Variants in SMG1 observed in about 807,000 individuals in gnomAD.
SMG1 encodes the protein serine/threonine-protein kinase SMG1.
SMG1 carries 22 observed loss-of-function variants against 419.9 expected under a neutral mutation model. That is an observed-to-expected ratio of 0.05 (90% CI 0.04 to 0.07). The LOEUF (loss-of-function observed/expected upper bound fraction) is 0.07. Among genes scored for constraint, SMG1 ranks in the 10% least tolerant of loss-of-function variants. The pLI is 1.00. For missense variants in SMG1, 3,185 were observed against 4,342.0 expected, an observed-to-expected ratio of 0.73 and a Z score of 7.49; for synonymous variants, 1,538 against 1,553.5, an observed-to-expected ratio of 0.99 and a Z score of 0.23.
At chr16:18,831,618 TG>T (rs1008141395) in intron 51 of SMG1, among the ~76,000 whole-genome samples, 1 of 151,766 alleles carries the variant, frequency 6.6e-6, no homozygotes, top group Non-Finnish European at 1.5e-5. Flanking sequence ...TAGCCGGGCA[TG>T]GGGGCATACG....
At chr16:18,908,680 C>A (rs1467524172) in intron 1 of SMG1, among the ~76,000 whole-genome samples, 1 of 151,012 alleles carries the variant, frequency 6.6e-6, no homozygotes, top group East Asian at 2.0e-4. Flanking sequence ...GAGATCAAGA[C>A]CATCCTGGCT....
Position 18,828,015 on chromosome 16 carries a change from A to C in SMG1, c.9741+16T>G, listed in dbSNP as rs1242709639. 1.2e-6 allele frequency: 2 copies of C among 1,607,402 alleles called. No individual in the cohort carries two copies. On this transcript the variant is annotated intron_variant, in intron 55 of 62. Coordinates refer to ENST00000446231, the MANE Select transcript of SMG1 (RefSeq NM_015092.5). ...AAAAAGAAAATGCCCTGGAAGGAAGATCTGGCAAAACACACCTGAACTGTT... is the reference window on the plus strand; with the variant it reads ...AAAAAGAAAATGCCCTGGAAGGAAGCTCTGGCAAAACACACCTGAACTGTT...
At chr16:18,827,914 T>A in intron 55 of SMG1, 117 bp downstream of exon 55, 1 of 941,780 alleles carries the variant, frequency 1.1e-6, no homozygotes, top group East Asian at 3.1e-5. Flanking sequence ...TATGCTCTTC[T>A]GGCTTACAAG....
intron 42 of SMG1, among the ~76,000 whole-genome samples, 156 bp from the exon 43 acceptor site, chr16:18,838,845 T>C (rs992952286): frequency 4.6e-5 from 7 of 152,232 alleles, no homozygotes; most frequent in Non-Finnish European, 1.0e-4. Flanking sequence ...GGTTGCTGCA[T>C]GTGGTTATGC....
At chr16:18,901,223 G>C (rs1182526783) in intron 1 of SMG1, among the ~76,000 whole-genome samples, 1 of 151,976 alleles carries the variant, frequency 6.6e-6, no homozygotes, top group African/African-American at 2.4e-5. Flanking sequence ...CCATTTATGG[G>C]TGATTTGTTT....
intron 29 of SMG1, among the ~76,000 whole-genome samples, 172 bp from the exon 30 acceptor site, chr16:18,855,076 A>G (rs2034822994): frequency 6.6e-6 from 1 of 152,234 alleles, no homozygotes; most frequent in South Asian, 2.1e-4. Flanking sequence ...TACAATGAAC[A>G]GGTTTTGCTA....
chr16:18,884,347 AC>A (rs1225148520), intron 8 of SMG1, among the ~76,000 whole-genome samples, 180 bp from the exon 9 acceptor site: 1 of 152,196 alleles, frequency 6.6e-6, no homozygotes, highest in African/African-American at 2.4e-5. Context: ...ATTAACCAAT[AC>A]CTCTTTAATT....
rs1459565905 is a variant in SMG1 at position 18,852,451 on chromosome 16, C to T, written c.4780G>A (p.Val1594Ile). ...IESESTVHIG[V>I]GEPDFILGQL... Reference sequence around the variant, plus strand: ...CCCAAAATGAAGTCAGGTTCTCCAACTCCAATATGCACTGCCAAAATGGAC... The same window carrying T: ...CCCAAAATGAAGTCAGGTTCTCCAATTCCAATATGCACTGCCAAAATGGAC... Residue 1594 changes from valine to isoleucine, a missense_variant, in exon 32 of 63, where the codon GTT (valine) becomes ATT (isoleucine). Physicochemically the swap from Val to Ile is conservative, Grantham distance 29. Transcript: ENST00000446231. 6.3e-7 allele frequency: 1 copy of T among 1,578,848 alleles called. No homozygotes were observed. The highest frequency in any genetic ancestry group is 8.6e-7 in the Non-Finnish European group (1 of 1,162,558).
intron 1 of SMG1, chr16:18,925,200 T>C (rs1376491007): frequency 6.6e-6 from 1 of 152,206 alleles, no homozygotes; most frequent in East Asian, 1.9e-4. Context: ...GTTCCTAATA[T>C]ATTCAAATCT....
At chr16:18,844,548 C>T (rs1346523733) in intron 39 of SMG1, among the ~76,000 whole-genome samples, 1 of 73,150 alleles carries the variant, frequency 1.4e-5, no homozygotes, top group Admixed American at 1.7e-4. Flanking sequence ...GGCAAGAACA[C>T]ATAATAAACT....
intron 23 of SMG1, among the ~76,000 whole-genome samples, chr16:18,864,490 G>A (rs569761455): frequency 1.1e-4 from 16 of 152,000 alleles, no homozygotes; most frequent in South Asian, 2.1e-4. Context: ...GAGCCACCGC[G>A]CCTGGCCTTT....
chr16:18,832,889 T>C, intron 51 of SMG1, 51 bp downstream of exon 51: 2 of 1,498,686 alleles, frequency 1.3e-6, no homozygotes, highest in Admixed American at 1.7e-5. Flanking sequence ...TCCCTTTCTC[T>C]GGCTGTCCCA....
chr16:18,814,169 G>GAAA (rs34187460), intron 60 of SMG1, among the ~76,000 whole-genome samples: 1 of 150,884 alleles, frequency 6.6e-6, no homozygotes. Context: ...TTATTAACTG[G>GAAA]AAAGGCAACA....
intron 25 of SMG1, 188 bp from the exon 26 acceptor site, chr16:18,860,964 T>C (rs2141480355): frequency 2.1e-6 from 1 of 474,236 alleles, no homozygotes; most frequent in East Asian, 3.6e-5. Flanking sequence ...ACTTAATTAG[T>C]ACTCAAATTG....
At chr16:18,813,995 C>T (rs1370854199) in intron 60 of SMG1, among the ~76,000 whole-genome samples, 1 of 132,764 alleles carries the variant, frequency 7.5e-6, no homozygotes, top group African/African-American at 2.9e-5. Context: ...TGCGCCACTG[C>T]ACTCCAGCCT....
At chr16:18,817,175 C>A (rs12920530) in intron 57 of SMG1, 116 bp downstream of exon 57, 56,020 of 678,174 alleles carry the variant, frequency 0.083, 3,103 homozygotes, top group Middle Eastern at 0.16. Context: ...GCCCCCCTAA[C>A]AACCTCTTAC....
intron 42 of SMG1, 129 bp downstream of exon 42, chr16:18,839,569 A>T (rs2033790701): frequency 1.6e-6 from 2 of 1,222,240 alleles, no homozygotes; most frequent in African/African-American, 1.5e-5. Context: ...TTAAACTCAA[A>T]TATACGTCTC....
chr16:18,858,236 C>G lies in SMG1; in HGVS notation c.4168G>C (p.Val1390Leu). ...CTTAATGCCTGCATCCATGGCCTCA[C>G]GTCATGCTGTTTACATGAACGTAAA... ...EALRSCKQHDVRPWMQALRYT... is the reference protein window; with the variant it reads ...EALRSCKQHDLRPWMQALRYT... The change falls in exon 29 of 63, where the codon GTG (valine) becomes CTG (leucine). Residue 1390 changes from valine to leucine, a missense_variant. By Grantham distance (32) the Val-to-Leu change is conservative (BLOSUM62 1). Transcript: ENST00000446231. The G allele has an allele frequency of 6.2e-7, 1 of 1,609,194 alleles. No individual in the cohort carries two copies. Among genetic ancestry groups the G allele is most frequent in the Non-Finnish European group, 8.5e-7 (1 of 1,177,518 alleles).
At chr16:18,809,696 T>C (rs760167171) in intron 62 of SMG1, 50 bp from the exon 63 acceptor site, 12 of 1,414,970 alleles carry the variant, frequency 8.5e-6, no homozygotes, top group Non-Finnish European at 1.2e-5. Context: ...GCTTTTCAAT[T>C]GTCTGCTGAA....
Sources: allele counts gnomAD v4.1 joint callset (sites outside exome capture counted in the v4.1 genomes callset), GRCh38; gene constraint gnomAD v4.1.1; transcripts MANE v1.5; gene names NCBI Gene and HGNC (gene_info 2026-07-23, HGNC 2026-07-21).